The following GFRA1 variants were observed in gnomAD, a reference collection of about 807,000 sequenced individuals.
The protein encoded by GFRA1 is GDNF family receptor alpha 1.
In GFRA1, 16 loss-of-function variants were observed where a neutral mutation model predicts 51.6. The ratio of observed to expected loss-of-function variants is 0.31; its 90% CI spans 0.21 to 0.47. The LOEUF is 0.47. Among genes scored for constraint, GFRA1 ranks in the 20% least tolerant of loss-of-function variants. The pLI, the probability that GFRA1 is intolerant of heterozygous loss-of-function variation, is 1.00. For missense variants in GFRA1, 530 were observed against 594.3 expected (o/e 0.89, Z 1.13); for synonymous variants, 270 against 241.3 (o/e 1.12, Z -1.10).
intron 5 of GFRA1, among the ~76,000 whole-genome samples, chr10:116,130,083 T>TAA (rs371902019): frequency 4.4e-5 from 6 of 137,006 alleles, no homozygotes; most frequent in African/African-American, 1.6e-4. Flanking sequence ...GATCAATGAA[T>TAA]AAAAAAAAAA....
At chr10:116,071,783 A>G (rs1377968329) in intron 9 of GFRA1, among the ~76,000 whole-genome samples, 1 of 152,236 alleles carries the variant, frequency 6.6e-6, no homozygotes, top group Admixed American at 6.5e-5. Flanking sequence ...TGGTATGTCT[A>G]TACGAAACTT....
intron 5 of GFRA1, among the ~76,000 whole-genome samples, chr10:116,169,835 T>C (rs1960853729): frequency 6.6e-6 from 1 of 152,130 alleles, no homozygotes; most frequent in Non-Finnish European, 1.5e-5. Context: ...ACAGTGACCC[T>C]CCACTGAGCT....
Position 116,271,893 on chromosome 10 carries a change from G to A in GFRA1, c.40+97C>T. ...TCTTCCTTCCACATCCACCACACCC[G>A]CGCCCCAATTTTGGTGCGGAGGGCG... On this transcript the variant is annotated intron_variant, in intron 2 of 10. Transcript: ENST00000355422. 3 of 924,604 alleles carry A rather than the reference G, an allele frequency of 3.2e-6. No individual in the cohort carries two copies. The South Asian group carries it at 4.2e-5, about 13-fold the overall frequency. The allele number at this position is 924,604 out of a possible 1,614,324, so 57.3% of individuals were successfully genotyped here. A position where few individuals can be genotyped will look rare whatever the true frequency, so the allele number is the denominator to read the frequency against.
chr10:116,218,695 A>G (rs1965727040), intron 4 of GFRA1, among the ~76,000 whole-genome samples: 1 of 152,164 alleles, frequency 6.6e-6, no homozygotes, highest in Non-Finnish European at 1.5e-5. Flanking sequence ...AGGTTGCTCA[A>G]ACTGAACAGA....
At chr10:116,090,445 A>AC (rs1956285911) in intron 8 of GFRA1, among the ~76,000 whole-genome samples, 1 of 151,252 alleles carries the variant, frequency 6.6e-6, no homozygotes, top group African/African-American at 2.4e-5. Context: ...AAAAAAAAAA[A>AC]AAAAAAAAAC....
chr10:116,194,036 C>T (rs1417405446), intron 5 of GFRA1, among the ~76,000 whole-genome samples: 2 of 125,412 alleles, frequency 1.6e-5, no homozygotes, highest in Non-Finnish European at 3.2e-5. Flanking sequence ...GAGACTCCGT[C>T]TCAATAAAAA....
intron 4 of GFRA1, among the ~76,000 whole-genome samples, chr10:116,265,945 C>T (rs1039898015): frequency 5.3e-5 from 8 of 152,114 alleles, no homozygotes; most frequent in African/African-American, 1.9e-4. Flanking sequence ...TGGAAAGCAG[C>T]CCTCCACCCT....
At chr10:116,220,967 TCTAA>T (rs1450449184) in intron 4 of GFRA1, among the ~76,000 whole-genome samples, 2 of 152,168 alleles carry the variant, frequency 1.3e-5, no homozygotes, top group African/African-American at 4.8e-5. Flanking sequence ...TCTCTTTCTC[TCTAA>T]CTAAGCTGAA....
intron 6 of GFRA1, among the ~76,000 whole-genome samples, chr10:116,116,696 CT>C (rs1196317901): frequency 6.6e-6 from 1 of 152,210 alleles, no homozygotes; most frequent in Non-Finnish European, 1.5e-5. Flanking sequence ...AGAAACGACT[CT>C]TTTGAAATCA....
At chr10:116,119,869 G>A (rs1162879125) in intron 6 of GFRA1, among the ~76,000 whole-genome samples, 2 of 152,212 alleles carry the variant, frequency 1.3e-5, no homozygotes, top group African/African-American at 4.8e-5. Context: ...TTGCCTGATC[G>A]ACCAACTAAC....
In GFRA1 at chr10:116,089,840, A is replaced by G. The variant is rs1363690420; in HGVS notation, c.1098T>C (p.Thr366=). ...TCTTAACCCGGAGGGCAGTGGTGGTAGTGGCAGTGGTGGTCTGTACTGGGA... is the reference window on the plus strand; with the variant it reads ...TCTTAACCCGGAGGGCAGTGGTGGTGGTGGCAGTGGTGGTCTGTACTGGGA... ...PAFPVQTTTA[T]TTTALRVKNK... Residue 366 remains threonine, a synonymous_variant, in exon 9 of 11, where the codon ACT becomes ACC. Coordinates refer to ENST00000355422, the MANE Select transcript of GFRA1 (RefSeq NM_005264.8). 1.2e-6 allele frequency: 2 copies of G among 1,613,988 alleles called. No individual in the cohort carries two copies.
At chr10:116,164,644 AC>A (rs1960187847) in intron 5 of GFRA1, among the ~76,000 whole-genome samples, 1 of 152,174 alleles carries the variant, frequency 6.6e-6, no homozygotes, top group Non-Finnish European at 1.5e-5. Context: ...TATTTAATAT[AC>A]TTGCGTTATG....
At chr10:116,148,072 GTGCA>G (rs1313006553) in intron 5 of GFRA1, among the ~76,000 whole-genome samples, 4 of 149,318 alleles carry the variant, frequency 2.7e-5, no homozygotes, top group Non-Finnish European at 4.5e-5. Flanking sequence ...GCATGCGTGT[GTGCA>G]TGTGTGTGTG....
At chr10:116,105,760 A>C (rs1652254045) in intron 6 of GFRA1, among the ~76,000 whole-genome samples, 2 of 152,204 alleles carry the variant, frequency 1.3e-5, no homozygotes, top group Admixed American at 1.3e-4. Context: ...AGATATTCAT[A>C]ACTAATTCCA....
chr10:116,244,261 AG>A (rs1295793184), intron 4 of GFRA1, among the ~76,000 whole-genome samples: 1 of 137,554 alleles, frequency 7.3e-6, no homozygotes, highest in Non-Finnish European at 1.6e-5. Context: ...AGTGAGATAA[AG>A]GAATAGAAAC....
chr10:116,253,068 A>C (rs1208348598), intron 4 of GFRA1, among the ~76,000 whole-genome samples: 1 of 152,242 alleles, frequency 6.6e-6, no homozygotes, highest in African/African-American at 2.4e-5. Context: ...AGTTATGGCC[A>C]GGATATCTAG....
chr10:116,076,104 A>G (rs1955609077), intron 9 of GFRA1, among the ~76,000 whole-genome samples: 2 of 152,118 alleles, frequency 1.3e-5, no homozygotes, highest in South Asian at 2.1e-4. Context: ...TATTGCCTCC[A>G]TTCTCCATGG....
intron 5 of GFRA1, among the ~76,000 whole-genome samples, chr10:116,183,496 C>T (rs1962423849): frequency 6.6e-6 from 1 of 152,156 alleles, no homozygotes; most frequent in African/African-American, 2.4e-5. Flanking sequence ...ACCTGGTTGG[C>T]CTGAAATCAT....
Position 116,104,044 on chromosome 10 carries a change from G to A in GFRA1, c.771-7280C>T, listed in dbSNP as rs552729883. Among the ~76,000 whole-genome samples the A allele has an allele frequency of 7.9e-5, 12 of 152,274 alleles. No individual in the cohort carries two copies. The South Asian group carries it at 2.5e-3, about 32-fold the overall frequency. On this transcript the variant is annotated intron_variant, in intron 6 of 10. Transcript: ENST00000355422. ...CTAGGACTGAGTGTGGAGACGCAAA[G>A]GGTCTGGGGAGGTCCACATGCCCCA...
Sources: allele counts gnomAD v4.1 joint callset (sites outside exome capture counted in the v4.1 genomes callset), GRCh38; gene constraint gnomAD v4.1.1; transcripts MANE v1.5; gene names NCBI Gene and HGNC (gene_info 2026-07-23, HGNC 2026-07-21).